The following PRDM10 variants were observed in gnomAD, a reference collection of about 807,000 sequenced individuals.
PRDM10 encodes the protein PR/SET domain 10.
A neutral mutation model predicts 133.1 loss-of-function variants in PRDM10; 65 were observed. The ratio of observed to expected loss-of-function variants is 0.49; its 90% CI spans 0.40 to 0.60. The LOEUF is 0.60. Ranked by LOEUF, PRDM10 falls within the 20% of genes least tolerant of loss-of-function variation. The pLI is 0.00. For missense variants in PRDM10, 1,137 were observed against 1,507.1 expected (o/e 0.75, Z 4.07); for synonymous variants, 582 against 580.4 (o/e 1.00, Z -0.04).
intron 14 of PRDM10, among the ~76,000 whole-genome samples, chr11:129,917,631 G>C (rs1232191771): frequency 2.0e-5 from 3 of 152,362 alleles, no homozygotes; most frequent in African/African-American, 4.8e-5. Context: ...ATGAGATACA[G>C]ACTAAGGTTC....
At position 129,947,645 on chromosome 11, in the gene PRDM10, C is replaced by A; in HGVS notation, c.295-275G>T. The A allele has an allele frequency of 9.2e-7, 1 of 1,088,042 alleles. No individual in the cohort carries two copies. Among genetic ancestry groups the A allele is most frequent in the South Asian group, 1.8e-5 (1 of 57,134 alleles). The allele number at this position is 1,088,042 out of a possible 1,614,324, so 67.4% of individuals were successfully genotyped here. On this transcript the variant is annotated intron_variant, in intron 4 of 20. Transcript: ENST00000360871. This position sits in a 1 kb window ranked among gnomAD's most constrained non-coding sequence, Gnocchi z 4.6. ...GCTGCTAAGAAGGCTCAGGTGCTCC[C>A]TCCTTTGGCAGCAGTGGGAGAGTCA...
At chr11:129,906,475 CCACCATAAGACGTGCA>C (rs1412512205) in intron 19 of PRDM10, among the ~76,000 whole-genome samples, 2 of 152,122 alleles carry the variant, frequency 1.3e-5, no homozygotes, top group Non-Finnish European at 2.9e-5. Context: ...GGGTCCATAA[CCACCATAAGACGTGCA>C]CACACAACCC....
intron 1 of PRDM10, among the ~76,000 whole-genome samples, chr11:129,984,428 A>T (rs1166185360): frequency 6.6e-6 from 1 of 152,078 alleles, no homozygotes; most frequent in Non-Finnish European, 1.5e-5. Flanking sequence ...TCTTCCCCAC[A>T]TGCACTGAGA....
chr11:129,961,040 C>A lies in PRDM10; in HGVS notation c.-76G>T. The A allele has an allele frequency of 7.3e-7, 1 of 1,372,634 alleles. No homozygotes were observed. Among genetic ancestry groups the A allele is most frequent in the Non-Finnish European group, 1.0e-6 (1 of 970,550 alleles). The allele number at this position is 1,372,634 out of a possible 1,614,324, so 85.0% of individuals were successfully genotyped here. A position where few individuals can be genotyped will look rare whatever the true frequency, so the allele number is the denominator to read the frequency against. ...GTACAGGACAGTCATCTGTCTACCA[C>A]ACGTGTGTTCATGAAGGACGGAAAG... On this transcript the variant is annotated 5_prime_UTR_variant, in exon 2 of 21. Coordinates refer to ENST00000360871, the MANE Select transcript of PRDM10 (RefSeq NM_199437.2).
chr11:129,993,008 G>C (rs1938834809), intron 1 of PRDM10, among the ~76,000 whole-genome samples: 1 of 152,166 alleles, frequency 6.6e-6, no homozygotes, highest in African/African-American at 2.4e-5. Flanking sequence ...TATTGGAACT[G>C]CTGGTCATTA....
chr11:129,988,633 CAA>C (rs1938556719), intron 1 of PRDM10, among the ~76,000 whole-genome samples: 1 of 151,600 alleles, frequency 6.6e-6, no homozygotes, highest in African/African-American at 2.4e-5. Flanking sequence ...TAAGTCAATG[CAA>C]ACTTTTTTTT....
chr11:129,969,128 T>A (rs996621715), intron 1 of PRDM10, among the ~76,000 whole-genome samples: 5 of 152,228 alleles, frequency 3.3e-5, no homozygotes, highest in African/African-American at 9.6e-5. Flanking sequence ...ACCCAGAGAC[T>A]CTGGCCTGAT....
chr11:129,914,581 T>C (rs748510706), intron 17 of PRDM10, 123 bp downstream of exon 17: 6 of 1,344,616 alleles, frequency 4.5e-6, no homozygotes, highest in East Asian at 4.7e-5. Context: ...AGTTGTAAAA[T>C]GCCCAAGGCT....
chr11:129,951,504 C>A (rs533969012), intron 4 of PRDM10, among the ~76,000 whole-genome samples: 2 of 152,302 alleles, frequency 1.3e-5, no homozygotes, highest in African/African-American at 4.8e-5. Flanking sequence ...CCATTTTAAT[C>A]CTGTGCATTT....
chr11:129,946,708 G>A (rs1409351221), intron 5 of PRDM10, among the ~76,000 whole-genome samples: 1 of 152,198 alleles, frequency 6.6e-6, no homozygotes, highest in Non-Finnish European at 1.5e-5. Flanking sequence ...TAGACTCAGG[G>A]CACTCACGCC....
In PRDM10 at chr11:129,925,027, T is replaced by A. The variant is rs1264368273; in HGVS notation, c.1733A>T (p.His578Leu). The part of the protein sequence containing the change: ...STSLESHMKL[H>L]SDQKTYSCIF... ...GCAAGAGTAAGTCTTCTGGTCTGAG[T>A]GGAGCTTCATGTGGCTCTCCAAGGA... The change falls in exon 12 of 21, where the codon CAC (histidine) becomes CTC (leucine). Residue 578 changes from histidine to leucine, a missense_variant. Around this residue, in one of 6 missense-constraint regions of PRDM10, gnomAD observed 635 missense variants for 835.2 expected, o/e 0.76. Coordinates refer to ENST00000360871, the MANE Select transcript of PRDM10 (RefSeq NM_199437.2). The A allele has an allele frequency of 6.2e-7, 1 of 1,614,056 alleles. No homozygotes were observed. Among genetic ancestry groups the A allele is most frequent in the African/African-American group, 1.3e-5 (1 of 74,922 alleles).
At chr11:130,000,970 G>T (rs1183097591) in intron 1 of PRDM10, among the ~76,000 whole-genome samples, 1 of 152,128 alleles carries the variant, frequency 6.6e-6, no homozygotes, top group African/African-American at 2.4e-5. Context: ...AGCCAGGCGT[G>T]GTGGTGCACG....
At chr11:129,935,281 G>A in intron 8 of PRDM10, 63 bp from the exon 9 acceptor site, 10 of 1,201,834 alleles carry the variant, frequency 8.3e-6, no homozygotes, top group South Asian at 1.2e-5. Context: ...AAACTCAAAA[G>A]TCTGCGATCC....
chr11:129,945,160 T>C lies in PRDM10; in HGVS notation c.521-148A>G, dbSNP rs1316960891. On this transcript the variant is annotated intron_variant, in intron 5 of 20. Transcript: ENST00000360871. The surrounding 1 kb of genome is among the most constrained non-coding windows in gnomAD (Gnocchi z 4.2). Reference sequence around the variant, plus strand: ...AATGGCGCTACCCATTCAACGGTAATACATTCTCTCTGGGAGACCAGTAAA... The same window carrying C: ...AATGGCGCTACCCATTCAACGGTAACACATTCTCTCTGGGAGACCAGTAAA... 2.0e-6 allele frequency: 2 copies of C among 984,470 alleles called. No homozygotes were observed. Among genetic ancestry groups the C allele is most frequent in the Non-Finnish European group, 3.0e-6 (2 of 661,490 alleles). 61.0% of individuals were successfully genotyped at this position (984,470 alleles called of 1,614,324 possible).
chr11:129,922,391 C>T (rs1308371681), intron 13 of PRDM10, among the ~76,000 whole-genome samples: 1 of 152,106 alleles, frequency 6.6e-6, no homozygotes, highest in Non-Finnish European at 1.5e-5. Flanking sequence ...ATACTTTTCA[C>T]ACTGGAGTTC....
At chr11:129,910,351 T>C in intron 19 of PRDM10, 125 bp downstream of exon 19, 1 of 1,328,728 alleles carries the variant, frequency 7.5e-7, no homozygotes, top group Non-Finnish European at 1.0e-6. Context: ...TTGAAGTACA[T>C]TCATAGAGAG....
chr11:129,923,387 C>A lies in PRDM10; in HGVS notation c.1895G>T (p.Arg632Leu). ...PDFIQVKKHVRSFHSEKIYQC... is the reference protein window; with the variant it reads ...PDFIQVKKHVLSFHSEKIYQC... Reference sequence around the variant, plus strand: ...GTAGATCTTTTCTGAGTGGAAGCTGCGCACGTGTTTTTTCACCTGGTGATA... The same window carrying A: ...GTAGATCTTTTCTGAGTGGAAGCTGAGCACGTGTTTTTTCACCTGGTGATA... The change falls in exon 13 of 21, where the codon CGC (arginine) becomes CTC (leucine). Residue 632 changes from arginine to leucine, a missense_variant. By Grantham distance (102) the Arg-to-Leu change is moderately radical (BLOSUM62 -2). Transcript: ENST00000360871. This position sits in a 1 kb window ranked among gnomAD's most constrained non-coding sequence, Gnocchi z 4.4. 1 of 1,604,774 alleles carries A rather than the reference C, an allele frequency of 6.2e-7. No homozygotes were observed. Among genetic ancestry groups the A allele is most frequent in the South Asian group, 1.1e-5 (1 of 89,986 alleles).
chr11:129,970,564 G>A (rs1236740773), intron 1 of PRDM10, among the ~76,000 whole-genome samples: 1 of 143,398 alleles, frequency 7.0e-6, no homozygotes, highest in African/African-American at 2.6e-5. Context: ...TTTTTTTCTC[G>A]AGATGGAGTT....
chr11:129,909,450 A>G (rs1283673297), intron 19 of PRDM10, among the ~76,000 whole-genome samples: 1 of 141,832 alleles, frequency 7.1e-6, no homozygotes, highest in Non-Finnish European at 1.6e-5. Flanking sequence ...ACCCCATCTC[A>G]AAAAAAAAAA....
Sources: allele counts gnomAD v4.1 joint callset (sites outside exome capture counted in the v4.1 genomes callset), GRCh38; gene constraint gnomAD v4.1.1; regional missense constraint gnomAD v4.1.1; non-coding constraint Gnocchi (gnomAD v3.1); transcripts MANE v1.5; gene names NCBI Gene and HGNC (gene_info 2026-07-23, HGNC 2026-07-21).